Variants in CDK5RAP1 observed in about 807,000 individuals in gnomAD.
CDK5RAP1 encodes the protein mitochondrial tRNA methylthiotransferase CDK5RAP1.
A neutral mutation model predicts 64.5 loss-of-function variants in CDK5RAP1; 62 were observed. The observed-to-expected ratio is 0.96, with a 90% CI of 0.78 to 1.19. The LOEUF is 1.19. Ranked by LOEUF, CDK5RAP1 falls within the 50% of genes most tolerant of loss-of-function variation. The pLI is 0.00. For synonymous variants in CDK5RAP1, 250 were observed against 261.9 expected (o/e 0.95, Z 0.44); for missense variants, 657 against 735.0 (o/e 0.89, Z 1.23).
At chr20:33,394,835 T>C (rs546751204) in intron 3 of CDK5RAP1, among the ~76,000 whole-genome samples, 178 bp downstream of exon 3, 132 of 152,268 alleles carry the variant, frequency 8.7e-4, no homozygotes, top group African/African-American at 3.0e-3. Context: ...CACATCACCA[T>C]AAAAGTTTCA....
intron 12 of CDK5RAP1, among the ~76,000 whole-genome samples, chr20:33,364,587 T>G (rs116272347): frequency 0.01 from 1,522 of 152,168 alleles, 18 homozygotes; most frequent in African/African-American, 0.034. Flanking sequence ...GCTTTTTTTT[T>G]GTTTGAGACG....
chr20:33,373,035 T>C (rs1600729309), intron 9 of CDK5RAP1: 2 of 214,752 alleles, frequency 9.3e-6, no homozygotes, highest in East Asian at 1.4e-4. Context: ...CCTCAGCCTC[T>C]TGAGTAGCTG....
intron 7 of CDK5RAP1, among the ~76,000 whole-genome samples, chr20:33,384,099 T>A (rs1009850275): frequency 6.6e-6 from 1 of 152,136 alleles, no homozygotes; most frequent in Non-Finnish European, 1.5e-5. Context: ...TTTGAATGAA[T>A]AAACGGACAT....
chr20:33,374,046 A>G (rs1446717315), intron 9 of CDK5RAP1, 69 bp downstream of exon 9: 2 of 1,068,516 alleles, frequency 1.9e-6, no homozygotes, highest in Non-Finnish European at 2.9e-6. Context: ...TCTTGGCAAC[A>G]AGGACACTGT....
In CDK5RAP1 at chr20:33,360,428, G is replaced by T. The variant is rs1298999587; in HGVS notation, c.1606C>A (p.Pro536Thr). ...RNDGNLKVIF[P>T]DAEMEDVNNP... ...TTGACATCCTCCATCTCTGCATCAG[G>T]GAAGATCACCTTAAGGTTTCCATCA... is the stretch of plus-strand genomic sequence containing the variant. The change falls in exon 13 of 14, where the codon CCT becomes ACT. Residue 536 changes from proline to threonine, a missense_variant. Physicochemically the swap from Pro to Thr is conservative, Grantham distance 38. Coordinates refer to ENST00000346416, the MANE Select transcript of CDK5RAP1 (RefSeq NM_016408.4). The T allele has an allele frequency of 6.2e-7, 1 of 1,613,740 alleles. No homozygotes were observed. Among genetic ancestry groups the T allele is most frequent in the South Asian group, 1.1e-5 (1 of 91,068 alleles).
chr20:33,375,475 G>C (rs2146634182), intron 8 of CDK5RAP1, among the ~76,000 whole-genome samples: 1 of 151,696 alleles, frequency 6.6e-6, no homozygotes, highest in South Asian at 2.1e-4. Context: ...CTCCTCCATT[G>C]CAAGAAAGGC....
At chr20:33,381,411 T>TTTG (rs148789837) in intron 7 of CDK5RAP1, among the ~76,000 whole-genome samples, 16 of 152,080 alleles carry the variant, frequency 1.1e-4, no homozygotes, top group East Asian at 5.8e-4. Context: ...CAAATAATGT[T>TTTG]TTGTTGTTGT....
intron 10 of CDK5RAP1, among the ~76,000 whole-genome samples, chr20:33,371,149 C>T (rs1391685038): frequency 1.3e-5 from 2 of 151,874 alleles, no homozygotes; most frequent in Non-Finnish European, 2.9e-5. Context: ...AAAAATTGAC[C>T]AGGCAGGGTG....
intron 8 of CDK5RAP1, among the ~76,000 whole-genome samples, chr20:33,375,709 G>C (rs1034599065): frequency 2.0e-5 from 3 of 152,100 alleles, no homozygotes; most frequent in Admixed American, 6.6e-5. Flanking sequence ...AGATATCACA[G>C]GTTTGGTTCC....
At chr20:33,359,169 G>A (rs1342372637) in intron 13 of CDK5RAP1, 46 bp from the exon 14 acceptor site, 3 of 1,371,476 alleles carry the variant, frequency 2.2e-6, no homozygotes, top group Admixed American at 1.7e-5. Flanking sequence ...TAGGACTGTA[G>A]CACTGGGACT....
At chr20:33,379,779 ATCTTT>A in intron 7 of CDK5RAP1, 88 bp from the exon 8 acceptor site, 1 of 987,278 alleles carries the variant, frequency 1.0e-6, no homozygotes, top group African/African-American at 1.6e-5. Flanking sequence ...AAATTAACAT[ATCTTT>A]TGTTTTAAAC....
chr20:33,372,949 G>A (rs1438469119), intron 9 of CDK5RAP1: 2 of 261,156 alleles, frequency 7.7e-6, no homozygotes, highest in Non-Finnish European at 1.4e-5. Context: ...GTCTCGCTCT[G>A]TCTCTCAGGC....
Position 33,397,001 on chromosome 20 carries a change from C to T in CDK5RAP1, c.64G>A (p.Val22Met), listed in dbSNP as rs141722953. The T allele has an allele frequency of 1.1e-5, 18 of 1,614,192 alleles. No homozygotes were observed. The East Asian group carries it at 3.3e-4, about 30-fold the overall frequency. The change falls in exon 2 of 14, where the codon GTG becomes ATG. Residue 22 changes from valine (V) to methionine (M), a missense_variant. Coordinates refer to ENST00000346416, the MANE Select transcript of CDK5RAP1 (RefSeq NM_016408.4). ...CACATCCTCAGCGACAGCCAAGACA[C>T]AGAGGCCAATGGTCCCCACCCCAGA... is the stretch of plus-strand genomic sequence containing the variant. Reference protein sequence around the residue: ...RSLGWGPLASVSWLSLRMCRA... With the variant: ...RSLGWGPLASMSWLSLRMCRA...
chr20:33,367,062 T>C, intron 11 of CDK5RAP1, 54 bp from the exon 12 acceptor site: 1 of 1,549,422 alleles, frequency 6.5e-7, no homozygotes, highest in Non-Finnish European at 8.8e-7. Flanking sequence ...ACTTGTAGAA[T>C]CTATTCTTAA....
chr20:33,394,969 C>G (rs779768336), intron 3 of CDK5RAP1, 44 bp downstream of exon 3: 1 of 1,216,136 alleles, frequency 8.2e-7, no homozygotes, highest in Non-Finnish European at 1.2e-6. Context: ...AATGCAGAAT[C>G]TTGCCCAGGT....
At chr20:33,389,722 G>A (rs1025636336) in intron 5 of CDK5RAP1, among the ~76,000 whole-genome samples, 5 of 152,248 alleles carry the variant, frequency 3.3e-5, no homozygotes, top group Admixed American at 1.3e-4. Context: ...ACAGCTCATT[G>A]AGAACAGACC....
chr20:33,376,966 T>G (rs1568698923), intron 8 of CDK5RAP1, among the ~76,000 whole-genome samples: 1 of 152,322 alleles, frequency 6.6e-6, no homozygotes, highest in South Asian at 2.1e-4. Context: ...AGCATCATTC[T>G]TAAGGGCCCT....
intron 5 of CDK5RAP1, among the ~76,000 whole-genome samples, chr20:33,388,481 G>A (rs563722949): frequency 6.6e-4 from 98 of 149,594 alleles, no homozygotes; most frequent in African/African-American, 2.4e-3. Flanking sequence ...TCTACGCAAA[G>A]CCAGTTAAAT....
rs1340407209 is a variant in CDK5RAP1, at chr20:33,397,149, CACTTCA to C, written c.-20-71_-20-66del. ...ACTATGGACAGGACACTGCTGTGAGCACTTCAAGTGTATACATCTATTTACCCCTCA... is the reference window on the plus strand; with the variant it reads ...ACTATGGACAGGACACTGCTGTGAGCAGTGTATACATCTATTTACCCCTCA... On this transcript the variant is annotated intron_variant, in intron 1 of 13. Coordinates refer to ENST00000346416, the MANE Select transcript of CDK5RAP1 (RefSeq NM_016408.4). 6 of 1,225,652 alleles carry C rather than the reference CACTTCA, an allele frequency of 4.9e-6. No homozygotes were observed. In the African/African-American group the frequency reaches 9.0e-5, roughly 18 times the overall value. The allele number at this position is 1,225,652 out of a possible 1,614,324, so 75.9% of individuals were successfully genotyped here. A position where few individuals can be genotyped will look rare whatever the true frequency, so the allele number is the denominator to read the frequency against.
Sources: gnomAD v4.1 joint callset for allele counts (sites outside exome capture counted in the v4.1 genomes callset) on GRCh38, gnomAD v4.1.1 for gene constraint, MANE v1.5 for transcripts, NCBI Gene and HGNC (gene_info 2026-07-23, HGNC 2026-07-21) for gene names.